RAB27A: variants seen among roughly 807,000 people sequenced by gnomAD.
The protein encoded by RAB27A is ras-related protein Rab-27A.
Under a neutral mutation model 20.8 loss-of-function variants are expected in RAB27A, and 17 were observed. The ratio of observed to expected loss-of-function variants is 0.82; its 90% CI spans 0.56 to 1.23. The LOEUF is 1.23. Ranked by LOEUF, RAB27A falls within the 50% of genes most tolerant of loss-of-function variation. The probability of loss-of-function intolerance (pLI) is 0.00; values close to 1 mark genes in which losing one functional copy is unlikely to be tolerated. For missense variants in RAB27A, 277 were observed against 266.7 expected (o/e 1.04, Z -0.27); for synonymous variants, 85 against 92.8 (o/e 0.92, Z 0.48).
chr15:55,256,981 G>T (rs1421985299), intron 2 of RAB27A, among the ~76,000 whole-genome samples: 2 of 152,152 alleles, frequency 1.3e-5, no homozygotes, highest in African/African-American at 4.8e-5. Context: ...CAGCCGCATG[G>T]GAATGGGAAG....
intron 1 of RAB27A, among the ~76,000 whole-genome samples, chr15:55,314,816 T>A (rs995394703): frequency 1.3e-5 from 2 of 152,146 alleles, no homozygotes; most frequent in African/African-American, 2.4e-5. Flanking sequence ...GAAGAATCAA[T>A]CATGAAAATG....
At chr15:55,294,789 A>G (rs1458088233), upstream of RAB27A, among the ~76,000 whole-genome samples, 1 of 152,108 alleles carries the variant, frequency 6.6e-6, no homozygotes, top group Non-Finnish European at 1.5e-5. Context: ...GATATTTCTT[A>G]GATTTGACAC....
At chr15:55,311,920 G>A (rs1294809427) in intron 2 of RAB27A, among the ~76,000 whole-genome samples, 1 of 152,154 alleles carries the variant, frequency 6.6e-6, no homozygotes, top group Non-Finnish European at 1.5e-5. Flanking sequence ...ATAGTGGCAG[G>A]CTGCTTCCAA....
At chr15:55,288,305 G>A (rs952578014) in intron 1 of RAB27A, among the ~76,000 whole-genome samples, 1 of 152,094 alleles carries the variant, frequency 6.6e-6, no homozygotes, top group African/African-American at 2.4e-5. Context: ...TTGATCACTT[G>A]AGGTCAGGAG....
intron 2 of RAB27A, among the ~76,000 whole-genome samples, chr15:55,250,137 A>AT (rs1374320847): frequency 6.6e-6 from 1 of 151,616 alleles, no homozygotes; most frequent in African/African-American, 2.4e-5. Flanking sequence ...TAATTTTTGT[A>AT]TTTTTTAGTA....
upstream of RAB27A, among the ~76,000 whole-genome samples, chr15:55,293,823 G>C (rs1229531745): frequency 6.6e-6 from 1 of 151,944 alleles, no homozygotes; most frequent in Admixed American, 6.6e-5. Context: ...TGGTTGAAGC[G>C]GGAGAATTGC....
upstream of RAB27A, among the ~76,000 whole-genome samples, chr15:55,293,624 A>G (rs1253279092): frequency 6.6e-6 from 1 of 152,140 alleles, no homozygotes; most frequent in Admixed American, 6.6e-5. Context: ...ATCTAAATAA[A>G]TGAAAAGACA....
chr15:55,226,347 G>C (rs2899583), intron 5 of RAB27A, among the ~76,000 whole-genome samples: 19,629 of 152,074 alleles, frequency 0.13, 1,658 homozygotes, highest in African/African-American at 0.24. Context: ...TTCTCAAGAG[G>C]GCATGGAGAG....
At chr15:55,238,660 AT>A (rs1896361425) in intron 2 of RAB27A, among the ~76,000 whole-genome samples, 1 of 152,308 alleles carries the variant, frequency 6.6e-6, no homozygotes, top group African/African-American at 2.4e-5. Flanking sequence ...TCTAGAACAA[AT>A]TTCAGATTGA....
intron 2 of RAB27A, among the ~76,000 whole-genome samples, chr15:55,250,179 GT>G (rs1195961097): frequency 3.3e-5 from 5 of 152,202 alleles, no homozygotes; most frequent in Non-Finnish European, 5.9e-5. Context: ...GGCCAGGCTG[GT>G]CTCAAACTCC....
At chr15:55,256,583 A>C (rs765704314) in intron 2 of RAB27A, among the ~76,000 whole-genome samples, 1 of 152,238 alleles carries the variant, frequency 6.6e-6, no homozygotes, top group Non-Finnish European at 1.5e-5. Flanking sequence ...ACAAGTATTG[A>C]GGAGGCTTGC....
chr15:55,294,099 C>T (rs538784624), upstream of RAB27A, among the ~76,000 whole-genome samples: 28 of 151,628 alleles, frequency 1.8e-4, no homozygotes, highest in African/African-American at 6.8e-4. Context: ...TTCATGCTTC[C>T]TGATTTCAAA....
chr15:55,217,581 C>A (rs1014207349), intron 6 of RAB27A, among the ~76,000 whole-genome samples: 1 of 137,382 alleles, frequency 7.3e-6, no homozygotes, highest in Admixed American at 8.2e-5. Context: ...AGGAGAATCG[C>A]TTGAACCTGG....
intron 2 of RAB27A, among the ~76,000 whole-genome samples, chr15:55,310,177 T>C (rs150415116): frequency 0.047 from 7,083 of 152,194 alleles, 564 homozygotes; most frequent in African/African-American, 0.16. Context: ...AGTCACAACT[T>C]AGTGGCTGGG....
intron 5 of RAB27A, among the ~76,000 whole-genome samples, chr15:55,226,309 TG>T (rs967906749): frequency 1.7e-4 from 26 of 152,152 alleles, no homozygotes; most frequent in Middle Eastern, 6.8e-3. Context: ...CTCATCTGAG[TG>T]GGGCTTACTT....
chr15:55,309,977 C>T (rs758679027), intron 2 of RAB27A, among the ~76,000 whole-genome samples: 1 of 151,924 alleles, frequency 6.6e-6, no homozygotes, highest in Non-Finnish European at 1.5e-5. Flanking sequence ...TCGAACAGGA[C>T]GGGCATTCTT....
chr15:55,301,860 G>A (rs1313324783), intron 2 of RAB27A, among the ~76,000 whole-genome samples: 1 of 151,796 alleles, frequency 6.6e-6, no homozygotes, highest in African/African-American at 2.4e-5. Flanking sequence ...TGGCCAGGCT[G>A]GTCTTGAACT....
upstream of RAB27A, among the ~76,000 whole-genome samples, chr15:55,290,636 C>G (rs1898284383): frequency 6.6e-6 from 1 of 152,240 alleles, no homozygotes. Flanking sequence ...CAGCGGCTCT[C>G]TTCTCCCAGC....
In RAB27A at chr15:55,234,730, G is replaced by A. The variant is rs188295162; in HGVS notation, c.153+52C>T. The A allele has an allele frequency of 2.0e-4, 303 of 1,543,134 alleles. 1 individual carries two copies. In the Middle Eastern group the frequency reaches 2.5e-3, roughly 13 times the overall value. ...CCTACAAAGTAAACTAAACAGACCAGCAAATGTTGACTTAACGATTACATT... is the reference window on the plus strand; with the variant it reads ...CCTACAAAGTAAACTAAACAGACCAACAAATGTTGACTTAACGATTACATT... On this transcript the variant is annotated intron_variant, in intron 3 of 6. Coordinates refer to ENST00000336787, the MANE Select transcript of RAB27A (RefSeq NM_183235.3).
Sources: allele counts gnomAD v4.1 joint callset (sites outside exome capture counted in the v4.1 genomes callset), GRCh38; gene constraint gnomAD v4.1.1; transcripts MANE v1.5; gene names NCBI Gene and HGNC (gene_info 2026-07-23, HGNC 2026-07-21).